MINDY3: variants seen among roughly 807,000 people sequenced by gnomAD.
The protein encoded by MINDY3 is ubiquitin carboxyl-terminal hydrolase MINDY-3.
In MINDY3, 38 loss-of-function variants were observed where a neutral mutation model predicts 69.2. That is an observed-to-expected ratio of 0.55 (90% CI 0.42 to 0.72). MINDY3 has a LOEUF of 0.72. Among genes scored for constraint, MINDY3 ranks in the 30% least tolerant of loss-of-function variants. The probability of loss-of-function intolerance (pLI) is 0.00; values close to 1 mark genes in which losing one functional copy is unlikely to be tolerated. For missense variants in MINDY3, 522 were observed against 519.0 expected (o/e 1.01, Z -0.06); for synonymous variants, 192 against 180.1 (o/e 1.07, Z -0.53).
chr10:15,848,356 C>T (rs190579282), intron 1 of MINDY3, among the ~76,000 whole-genome samples: 23 of 152,220 alleles, frequency 1.5e-4, no homozygotes, highest in African/African-American at 4.1e-4. Flanking sequence ...TGGCATTGGC[C>T]GGGCACAGTG....
In MINDY3 at chr10:15,804,315, C is replaced by T. The variant is rs559718978; in HGVS notation, c.883-8143G>A. Reference sequence around the variant, plus strand: ...TCATGAAACAGATATCTCCTTTTCACGTAGCTCTGTATTATCAGTGTAACT... The same window carrying T: ...TCATGAAACAGATATCTCCTTTTCATGTAGCTCTGTATTATCAGTGTAACT... On this transcript the variant is annotated intron_variant, in intron 10 of 14. Coordinates refer to ENST00000277632, the MANE Select transcript of MINDY3 (RefSeq NM_024948.4). Among the ~76,000 whole-genome samples, 193 of 152,198 alleles carry T rather than the reference C, an allele frequency of 1.3e-3. 1 individual carries two copies. The highest frequency in any genetic ancestry group is 6.8e-3 in the Middle Eastern group (2 of 294).
intron 8 of MINDY3, among the ~76,000 whole-genome samples, chr10:15,823,164 T>C (rs564026248): frequency 3.3e-5 from 5 of 152,190 alleles, no homozygotes; most frequent in Admixed American, 1.3e-4. Context: ...ACTTTCTGGA[T>C]TGGTAAATCC....
chr10:15,799,825 A>T (rs565841154), intron 10 of MINDY3, among the ~76,000 whole-genome samples: 2 of 152,138 alleles, frequency 1.3e-5, no homozygotes, highest in Admixed American at 1.3e-4. Context: ...AGTAGAATAC[A>T]TGGAGTTATC....
At chr10:15,782,786 C>A (rs1016217985) in intron 13 of MINDY3, among the ~76,000 whole-genome samples, 2 of 152,052 alleles carry the variant, frequency 1.3e-5, no homozygotes, top group Admixed American at 6.5e-5. Flanking sequence ...ATGCTTAAGG[C>A]GATTTCAGTA....
At chr10:15,812,143 G>A (rs1256712456) in intron 10 of MINDY3, among the ~76,000 whole-genome samples, 1 of 152,066 alleles carries the variant, frequency 6.6e-6, no homozygotes, top group African/African-American at 2.4e-5. Flanking sequence ...GTTTTGCCAT[G>A]TTGGCCAGGC....
chr10:15,789,467 C>A, intron 11 of MINDY3, 148 bp from the exon 12 acceptor site: 5 of 554,422 alleles, frequency 9.0e-6, no homozygotes, highest in South Asian at 8.0e-5. Context: ...AGGCATAGTG[C>A]CTATTGCTAT....
intron 10 of MINDY3, among the ~76,000 whole-genome samples, chr10:15,797,820 C>T (rs527742364): frequency 6.6e-6 from 1 of 152,220 alleles, no homozygotes; most frequent in South Asian, 2.1e-4. Context: ...ATTATTATTC[C>T]TCAGTTCCCT....
chr10:15,827,539 T>C (rs1840174021), intron 8 of MINDY3, among the ~76,000 whole-genome samples: 1 of 135,924 alleles, frequency 7.4e-6, no homozygotes, highest in South Asian at 2.3e-4. Flanking sequence ...TGAGACTCCG[T>C]CTCAATAAAT....
At chr10:15,827,012 TGA>T (rs1162332853) in intron 8 of MINDY3, among the ~76,000 whole-genome samples, 1 of 151,840 alleles carries the variant, frequency 6.6e-6, no homozygotes, top group African/African-American at 2.4e-5. Flanking sequence ...CTCAGCTACT[TGA>T]GAGACTGAGG....
In MINDY3 at chr10:15,841,312, G is replaced by A. The variant is rs1186757293; in HGVS notation, c.409+114C>T. On this transcript the variant is annotated intron_variant, in intron 4 of 14. Transcript: ENST00000277632. ...GAGGCTCAGTAATTAAGCTTAAGCT[G>A]GAAAAGAATACATGTTATGAAAATT... The A allele has an allele frequency of 1.1e-5, 9 of 795,972 alleles. No homozygotes were observed. In the African/African-American group the frequency reaches 1.2e-4, roughly 11 times the overall value. 49.3% of individuals were successfully genotyped at this position (795,972 alleles called of 1,614,324 possible). A position where few individuals can be genotyped will look rare whatever the true frequency, so the allele number is the denominator to read the frequency against.
chr10:15,833,482 G>C (rs1244472393), intron 8 of MINDY3, 148 bp downstream of exon 8: 3 of 507,186 alleles, frequency 5.9e-6, no homozygotes, highest in South Asian at 8.7e-5. Flanking sequence ...TAACATTATG[G>C]TGCCTTGAAA....
chr10:15,797,689 C>A (rs1329717636), intron 10 of MINDY3, among the ~76,000 whole-genome samples: 1 of 152,006 alleles, frequency 6.6e-6, no homozygotes, highest in African/African-American at 2.4e-5. Context: ...TTCTTAAAAC[C>A]CTCTTTCCTT....
chr10:15,799,244 G>A (rs1382100714), intron 10 of MINDY3, among the ~76,000 whole-genome samples: 2 of 152,056 alleles, frequency 1.3e-5, no homozygotes, highest in African/African-American at 4.8e-5. Flanking sequence ...CTGTTGCCCA[G>A]GCTGGAGTGC....
chr10:15,851,377 C>T (rs1274770260), intron 1 of MINDY3, among the ~76,000 whole-genome samples: 1 of 152,078 alleles, frequency 6.6e-6, no homozygotes. Context: ...TTATCTGGCT[C>T]CTGCCTGCAT....
intron 4 of MINDY3, among the ~76,000 whole-genome samples, chr10:15,840,507 GC>G (rs1833394913): frequency 1.3e-5 from 2 of 151,628 alleles, no homozygotes; most frequent in South Asian, 4.1e-4. Context: ...GGAGGCAACA[GC>G]ACCTTATAGA....
At chr10:15,843,541 A>C (rs1010032921) in intron 2 of MINDY3, among the ~76,000 whole-genome samples, 1 of 152,120 alleles carries the variant, frequency 6.6e-6, no homozygotes, top group Non-Finnish European at 1.5e-5. Flanking sequence ...ACTAACTCAC[A>C]TAACAGAATA....
intron 8 of MINDY3, among the ~76,000 whole-genome samples, chr10:15,827,425 C>T (rs889947901): frequency 6.6e-6 from 1 of 151,828 alleles, no homozygotes; most frequent in Non-Finnish European, 1.5e-5. Context: ...CCTATAATCC[C>T]AGCTACTCGG....
At position 15,789,333 on chromosome 10, in the gene MINDY3, A is replaced by T; in HGVS notation, c.956-14T>A. On this transcript the variant is annotated splice_polypyrimidine_tract_variant and intron_variant, in intron 11 of 14. Coordinates refer to ENST00000277632, the MANE Select transcript of MINDY3 (RefSeq NM_024948.4). The stretch of plus-strand genomic sequence containing the variant: ...TGAATCCATTATCTAGGGGGGAAAA[A>T]ATCAGAAACAACTTGAAATAAGAAT... 6.3e-7 allele frequency: 1 copy of T among 1,593,864 alleles called. No homozygotes were observed. Among genetic ancestry groups the T allele is most frequent in the Non-Finnish European group, 8.6e-7 (1 of 1,163,154 alleles).
intron 10 of MINDY3, among the ~76,000 whole-genome samples, chr10:15,797,980 T>C (rs1348659102): frequency 2.0e-5 from 3 of 152,188 alleles, no homozygotes; most frequent in Non-Finnish European, 4.4e-5. Flanking sequence ...TTTGAAATTC[T>C]GGCTGAGAAG....
Sources: gnomAD v4.1 joint callset for allele counts (sites outside exome capture counted in the v4.1 genomes callset) on GRCh38, gnomAD v4.1.1 for gene constraint, MANE v1.5 for transcripts, NCBI Gene and HGNC (gene_info 2026-07-23, HGNC 2026-07-21) for gene names.